The following WDR7 variants were observed in gnomAD, a reference collection of about 807,000 sequenced individuals.
The protein encoded by WDR7 is WD repeat domain 7.
In WDR7, 46 loss-of-function variants were observed where a neutral mutation model predicts 169.4. The ratio of observed to expected loss-of-function variants is 0.27; its 90% confidence interval spans 0.21 to 0.35. WDR7 has a LOEUF of 0.35. Among genes scored for constraint, WDR7 ranks in the 10% least tolerant of loss-of-function variants. The pLI, the probability that WDR7 is intolerant of heterozygous loss-of-function variation, is 1.00. For missense variants in WDR7, 1,534 were observed against 1,859.3 expected (o/e 0.83, Z 3.22); for synonymous variants, 612 against 666.8 (o/e 0.92, Z 1.27).
chr18:57,023,991 A>C (rs1462868079), intron 27 of WDR7, among the ~76,000 whole-genome samples: 2 of 152,210 alleles, frequency 1.3e-5, no homozygotes, highest in Non-Finnish European at 1.5e-5. Context: ...GCAAATTATG[A>C]AACTACATTT....
intron 5 of WDR7, among the ~76,000 whole-genome samples, chr18:56,683,408 G>C (rs1362786597): frequency 6.6e-6 from 1 of 152,148 alleles, no homozygotes; most frequent in African/African-American, 2.4e-5. Context: ...GTCAGGAAAA[G>C]AGTAATAGTT....
chr18:56,940,493 A>T (rs1455109895), intron 25 of WDR7, among the ~76,000 whole-genome samples: 1 of 152,074 alleles, frequency 6.6e-6, no homozygotes, highest in African/African-American at 2.4e-5. Context: ...ACAGATGCAT[A>T]TTTTCTTGTG....
In WDR7 at chr18:57,028,057, C is replaced by T. The variant is rs1349228187; in HGVS notation, c.*850C>T. 2.0e-5 allele frequency: 3 copies of T among 152,154 alleles called. No individual in the cohort carries two copies. Among genetic ancestry groups the T allele is most frequent in the African/African-American group, 7.2e-5 (3 of 41,440 alleles). 9.4% of individuals were successfully genotyped at this position (152,154 alleles called of 1,614,324 possible). A position where few individuals can be genotyped will look rare whatever the true frequency, so the allele number is the denominator to read the frequency against. ...GCATAGCGTGTACCGAAAATGAAGA[C>T]TCTCCTATCTACTGCTACAGATCCT... On this transcript the variant is annotated 3_prime_UTR_variant, in exon 28 of 28. Transcript: ENST00000254442.
At chr18:56,703,327 A>G (rs746529732) in intron 12 of WDR7, among the ~76,000 whole-genome samples, 1 of 152,222 alleles carries the variant, frequency 6.6e-6, no homozygotes, top group African/African-American at 2.4e-5. Flanking sequence ...ATATCATACT[A>G]TTATTCTGAC....
In WDR7 at chr18:56,986,180, A is replaced by G. The variant is rs751489938; in HGVS notation, c.4164+23651A>G. 9.2e-4 allele frequency among the ~76,000 whole-genome samples: 125 copies of G among 136,482 alleles called. 1 individual carries two copies. Among genetic ancestry groups the G allele is most frequent in the Non-Finnish European group, 1.5e-3 (92 of 61,084 alleles). 89.5% of individuals were successfully genotyped at this position (136,482 alleles called of 152,430 possible). A position where few individuals can be genotyped will look rare whatever the true frequency, so the allele number is the denominator to read the frequency against. On this transcript the variant is annotated intron_variant, in intron 26 of 27. Transcript: ENST00000254442. ...TGTGTGTGTGTGTGTGTGTGTGTGT[A>G]TACATATTCAACTTCATGATTTCCC...
At chr18:56,839,598 A>T (rs540500057) in intron 20 of WDR7, among the ~76,000 whole-genome samples, 1 of 152,340 alleles carries the variant, frequency 6.6e-6, no homozygotes, top group African/African-American at 2.4e-5. Flanking sequence ...GTTCTTCTGT[A>T]CCAGAAAATC....
intron 25 of WDR7, among the ~76,000 whole-genome samples, chr18:56,944,507 A>T (rs2047077326): frequency 6.6e-6 from 1 of 152,206 alleles, no homozygotes. Context: ...CCAAATTACA[A>T]TGTTAACTGA....
At chr18:56,970,170 G>A (rs2047463126) in intron 26 of WDR7, among the ~76,000 whole-genome samples, 1 of 151,532 alleles carries the variant, frequency 6.6e-6, no homozygotes, top group South Asian at 2.1e-4. Flanking sequence ...CCCTCCTGCT[G>A]CAGGATACAC....
intron 13 of WDR7, among the ~76,000 whole-genome samples, chr18:56,720,480 TATTAA>T (rs1349122755): frequency 6.6e-6 from 1 of 152,136 alleles, no homozygotes; most frequent in Non-Finnish European, 1.5e-5. Flanking sequence ...ACCCTATAAC[TATTAA>T]ATTAATAGCT....
intron 12 of WDR7, among the ~76,000 whole-genome samples, chr18:56,709,669 GATA>G (rs1434713099): frequency 6.6e-6 from 1 of 152,164 alleles, no homozygotes; most frequent in Admixed American, 6.5e-5. Context: ...AGGCTGAACT[GATA>G]AATGCTGCCC....
intron 27 of WDR7, among the ~76,000 whole-genome samples, chr18:57,024,193 A>G (rs2048326385): frequency 2.0e-5 from 3 of 152,110 alleles, no homozygotes. Flanking sequence ...AGTATTTACT[A>G]TCTTTGCAAT....
chr18:56,925,683 G>A (rs377011580), intron 22 of WDR7, among the ~76,000 whole-genome samples: 18 of 152,198 alleles, frequency 1.2e-4, no homozygotes, highest in Non-Finnish European at 2.1e-4. Flanking sequence ...GTAGAGACCA[G>A]AGAAGCAATT....
At chr18:57,009,574 C>T (rs190657407) in intron 26 of WDR7, among the ~76,000 whole-genome samples, 20 of 152,204 alleles carry the variant, frequency 1.3e-4, no homozygotes, top group Admixed American at 1.1e-3. Context: ...ATAAACTACA[C>T]ATAAAAGTGT....
intron 19 of WDR7, among the ~76,000 whole-genome samples, chr18:56,791,739 G>A (rs2044487977): frequency 6.6e-6 from 1 of 152,156 alleles, no homozygotes; most frequent in Non-Finnish European, 1.5e-5. Flanking sequence ...AGGATTCTGA[G>A]ACCATCCCAA....
intron 22 of WDR7, among the ~76,000 whole-genome samples, chr18:56,925,509 G>A (rs567615497): frequency 6.6e-5 from 10 of 152,168 alleles, no homozygotes; most frequent in South Asian, 6.2e-4. Context: ...CTCCCTTAAC[G>A]AAAATGTTAC....
At chr18:56,851,248 G>T (rs542528963) in intron 20 of WDR7, among the ~76,000 whole-genome samples, 1 of 151,730 alleles carries the variant, frequency 6.6e-6, no homozygotes, top group Non-Finnish European at 1.5e-5. Flanking sequence ...CTTTCTCTGT[G>T]GTTAGTTCTC....
In WDR7 at chr18:56,758,963, A is replaced by G; in HGVS notation, c.2848+10A>G. 6.2e-7 allele frequency: 1 copy of G among 1,602,084 alleles called. No homozygotes were observed. The highest frequency in any genetic ancestry group is 8.5e-7 in the Non-Finnish European group (1 of 1,171,772). ...GGACAGATTAAACAAGGTAAAATTA[A>G]ATCTTATTAAGTAATTGACATGACA... On this transcript the variant is annotated intron_variant, in intron 16 of 27. Transcript: ENST00000254442.
chr18:56,687,915 A>G (rs1041864533), intron 7 of WDR7, among the ~76,000 whole-genome samples: 12 of 152,212 alleles, frequency 7.9e-5, no homozygotes, highest in African/African-American at 2.9e-4. Flanking sequence ...AGCATGAGCC[A>G]CCATTCCTGG....
At chr18:56,764,334 C>T (rs1266601194) in intron 16 of WDR7, among the ~76,000 whole-genome samples, 1 of 151,954 alleles carries the variant, frequency 6.6e-6, no homozygotes, top group African/African-American at 2.4e-5. Flanking sequence ...CTGTCTGTTA[C>T]TGGTTTTCAT....
Sources: gnomAD v4.1 joint callset for allele counts (sites outside exome capture counted in the v4.1 genomes callset) on GRCh38, gnomAD v4.1.1 for gene constraint, MANE v1.5 for transcripts, NCBI Gene and HGNC (gene_info 2026-07-23, HGNC 2026-07-21) for gene names.